The following ST18 variants were observed in gnomAD, a reference collection of about 807,000 sequenced individuals.
ST18 encodes suppression of tumorigenicity 18 protein.
A neutral mutation model predicts 110.0 loss-of-function variants in ST18; 50 were observed. That is an observed-to-expected ratio of 0.45 (90% CI 0.36 to 0.58). The LOEUF (loss-of-function observed/expected upper bound fraction) is 0.58, where lower values mean the gene tolerates loss of function less well. Ranked by LOEUF, ST18 falls within the 20% of genes least tolerant of loss-of-function variation. ST18 has a pLI of 0.00. For missense variants in ST18, 1,306 were observed against 1,280.1 expected (o/e 1.02, Z -0.31); for synonymous variants, 461 against 452.4 (o/e 1.02, Z -0.24).
intron 17 of ST18, among the ~76,000 whole-genome samples, chr8:52,140,547 T>TGATAGATAGATAGATA (rs56988793): frequency 6.8e-6 from 1 of 147,354 alleles, no homozygotes; most frequent in Non-Finnish European, 1.5e-5. Context: ...AGATGATAGA[T>TGATAGATAGATAGATA]GATAGATAGA....
At chr8:52,282,863 G>A (rs552943333) in intron 2 of ST18, among the ~76,000 whole-genome samples, 3 of 152,200 alleles carry the variant, frequency 2.0e-5, no homozygotes, top group African/African-American at 7.2e-5. Flanking sequence ...CAAGACCTTG[G>A]ATGGTAAGGA....
At chr8:52,407,775 G>A (rs1205908983) in intron 2 of ST18, 1 of 152,082 alleles carries the variant, frequency 6.6e-6, no homozygotes, top group African/African-American at 2.4e-5. Context: ...GAAACTCCTC[G>A]GAGAGTTCAT....
chr8:52,307,950 A>T (rs1396373335), intron 2 of ST18, among the ~76,000 whole-genome samples: 1 of 152,246 alleles, frequency 6.6e-6, no homozygotes. Context: ...AAGCAAATAG[A>T]CACTTGGGTA....
chr8:52,199,651 G>C (rs2077301153), intron 8 of ST18: 1 of 152,070 alleles, frequency 6.6e-6, no homozygotes, highest in Non-Finnish European at 1.5e-5. Context: ...TTAAAAGATG[G>C]GGATATCTTG....
intron 23 of ST18, among the ~76,000 whole-genome samples, chr8:52,121,160 A>C (rs1481351673): frequency 5.3e-5 from 8 of 152,262 alleles, no homozygotes; most frequent in Admixed American, 5.2e-4. Flanking sequence ...TGTTTCGCTG[A>C]GGGCCAATGT....
chr8:52,155,117 A>G (rs1486631150), intron 15 of ST18, among the ~76,000 whole-genome samples: 2 of 151,620 alleles, frequency 1.3e-5, no homozygotes. Context: ...CAGGAGAATC[A>G]CTTGAACCCA....
At chr8:52,152,284 T>G (rs1005767425) in intron 15 of ST18, among the ~76,000 whole-genome samples, 3 of 152,198 alleles carry the variant, frequency 2.0e-5, no homozygotes, top group African/African-American at 7.2e-5. Context: ...TGGGCTTTTA[T>G]TCAGAGCAGT....
chr8:52,356,007 T>C (rs1213553046), intron 2 of ST18, among the ~76,000 whole-genome samples: 2 of 151,894 alleles, frequency 1.3e-5, no homozygotes, highest in Admixed American at 6.6e-5. Context: ...GGCTGAAAAG[T>C]AGTGGAAGAA....
chr8:52,126,220 C>T (rs2047008453), intron 22 of ST18, 80 bp from the exon 23 acceptor site: 1 of 1,402,496 alleles, frequency 7.1e-7, no homozygotes, highest in South Asian at 1.3e-5. Flanking sequence ...TCACAACCTA[C>T]TATTTGTGTT....
At chr8:52,325,983 G>A (rs952529544) in intron 2 of ST18, among the ~76,000 whole-genome samples, 2 of 152,186 alleles carry the variant, frequency 1.3e-5, no homozygotes, top group Non-Finnish European at 2.9e-5. Flanking sequence ...AGATGCTGTA[G>A]AGAATACCTA....
rs186061004 is a variant in ST18 at position 52,125,989 on chromosome 8, C to T, written c.2755+63G>A. The T allele has an allele frequency of 3.1e-4, 407 of 1,304,634 alleles. 4 individuals are homozygous for T. The Middle Eastern group carries it at 5.1e-3, about 16-fold the overall frequency. The allele number at this position is 1,304,634 out of a possible 1,614,324, so 80.8% of individuals were successfully genotyped here. Reference sequence around the variant, plus strand: ...CTAGAGAATACTTTGACACACGGAACGCTTTGGGGAGCCAGGGTCTACACC... The same window carrying T: ...CTAGAGAATACTTTGACACACGGAATGCTTTGGGGAGCCAGGGTCTACACC... On this transcript the variant is annotated intron_variant, in intron 23 of 25. Coordinates refer to ENST00000689386, the MANE Select transcript of ST18 (RefSeq NM_001352837.2).
At chr8:52,144,634 T>C (rs546197753) in intron 16 of ST18, among the ~76,000 whole-genome samples, 111 of 152,254 alleles carry the variant, frequency 7.3e-4, no homozygotes, top group African/African-American at 2.6e-3. Context: ...AATTTATCCA[T>C]ATTATTGATG....
At chr8:52,363,638 A>G (rs1826659217) in intron 2 of ST18, among the ~76,000 whole-genome samples, 1 of 152,226 alleles carries the variant, frequency 6.6e-6, no homozygotes, top group African/African-American at 2.4e-5. Context: ...TATATTAAGC[A>G]TGTTACATGT....
In ST18 at chr8:52,259,165, CAG is replaced by C. The variant is rs2094607889; in HGVS notation, c.-464-29090_-464-29089del. Reference sequence around the variant, plus strand: ...GTAACAGCCTGGCAGGGCTAAGTGGCAGAGTTTCCCTTTGAATACTTCAGGTT... The same window carrying C: ...GTAACAGCCTGGCAGGGCTAAGTGGCAGTTTCCCTTTGAATACTTCAGGTT... On this transcript the variant is annotated intron_variant, in intron 2 of 25. Transcript: ENST00000689386. Among the ~76,000 whole-genome samples the C allele has an allele frequency of 2.0e-5, 3 of 152,296 alleles. 1 individual carries two copies. In the South Asian group the frequency reaches 6.2e-4, roughly 32 times the overall value.
intron 2 of ST18, among the ~76,000 whole-genome samples, chr8:52,388,150 C>G (rs1056380320): frequency 5.9e-5 from 9 of 152,148 alleles, no homozygotes; most frequent in Admixed American, 5.9e-4. Context: ...GCAATTTGAG[C>G]ATAAGGAGCA....
chr8:52,371,531 G>C (rs1378344345), intron 2 of ST18, among the ~76,000 whole-genome samples: 1 of 152,136 alleles, frequency 6.6e-6, no homozygotes, highest in African/African-American at 2.4e-5. Flanking sequence ...AAAAATTACT[G>C]TTAATTTTAG....
chr8:52,211,545 T>C (rs2082175561), intron 8 of ST18, among the ~76,000 whole-genome samples: 2 of 151,922 alleles, frequency 1.3e-5, no homozygotes, highest in African/African-American at 4.8e-5. Flanking sequence ...TAGCTGAAAC[T>C]ATAGGCACAC....
intron 2 of ST18, among the ~76,000 whole-genome samples, chr8:52,394,814 G>A (rs1453972623): frequency 6.6e-6 from 1 of 152,192 alleles, no homozygotes; most frequent in African/African-American, 2.4e-5. Context: ...AAGAACCTTA[G>A]AACACTTGCT....
rs140312033 is a variant in ST18, at chr8:52,260,631, C to T, written c.-464-30554G>A. ...AGCTGGAAGCCCAGCACTGGGCACA[C>T]ACTGGGCATGTGTAAGTCATTCTAG... On this transcript the variant is annotated intron_variant, in intron 2 of 25. Coordinates refer to ENST00000689386, the MANE Select transcript of ST18 (RefSeq NM_001352837.2). Among the ~76,000 whole-genome samples, 306 of 152,310 alleles carry T rather than the reference C, an allele frequency of 2.0e-3. 1 individual carries two copies. The highest frequency in any genetic ancestry group is 6.8e-3 in the African/African-American group (284 of 41,530).
Sources: allele counts gnomAD v4.1 joint callset (sites outside exome capture counted in the v4.1 genomes callset), GRCh38; gene constraint gnomAD v4.1.1; transcripts MANE v1.5; gene names NCBI Gene and HGNC (gene_info 2026-07-23, HGNC 2026-07-21).